ZNF740: variants seen among roughly 807,000 people sequenced by gnomAD.
ZNF740 encodes the protein oriLyt TD-element-binding protein 7.
Under a neutral mutation model 24.8 loss-of-function variants are expected in ZNF740, and 14 were observed. That is an observed-to-expected ratio of 0.56 (90% confidence interval 0.37 to 0.88). ZNF740 has a LOEUF of 0.88. Among genes scored for constraint, ZNF740 ranks in the 40% least tolerant of loss-of-function variants. ZNF740 has a pLI of 0.00. For synonymous variants in ZNF740, 69 were observed against 84.0 expected, an observed-to-expected ratio of 0.82 and a Z score of 0.98; for missense variants, 201 against 247.9, an observed-to-expected ratio of 0.81 and a Z score of 1.27.
chr12:53,192,901 C>T lies in ZNF740; in HGVS notation c.*5311C>T, dbSNP rs149573967. ...ACAGTGACATACTCCACATTGGCAG[C>T]GACCAAAGCCTGGGGTAGAGCCATG... On this transcript the variant is annotated 3_prime_UTR_variant, in exon 7 of 7. Transcript: ENST00000416904. 35 of 1,613,812 alleles carry T rather than the reference C, an allele frequency of 2.2e-5. No homozygotes were observed. The highest frequency in any genetic ancestry group is 9.3e-5 in the African/African-American group (7 of 74,922).
chr12:53,183,384 C>G (rs1021845242), intron 2 of ZNF740, among the ~76,000 whole-genome samples: 19 of 152,202 alleles, frequency 1.2e-4, no homozygotes, highest in African/African-American at 4.6e-4. Context: ...CTGGATCTTT[C>G]ACTCCAAAGT....
chr12:53,184,099 G>A (rs1057344214), intron 2 of ZNF740, among the ~76,000 whole-genome samples: 3 of 148,340 alleles, frequency 2.0e-5, no homozygotes, highest in African/African-American at 7.5e-5. Flanking sequence ...TCAAAAGTGG[G>A]CTCTGAAGCT....
intron 5 of ZNF740, 46 bp from the exon 6 acceptor site, chr12:53,186,345 A>C (rs200437281): frequency 2.4e-4 from 365 of 1,491,838 alleles, no homozygotes; most frequent in Non-Finnish European, 3.3e-4. Context: ...TGAGGTCCCT[A>C]CTGTACATAC....
chr12:53,187,791 C>T lies in ZNF740; in HGVS notation c.*201C>T, dbSNP rs980324396. The T allele has an allele frequency of 3.2e-5, 18 of 560,704 alleles. No individual in the cohort carries two copies. The highest frequency in any genetic ancestry group is 3.5e-5 in the Non-Finnish European group (11 of 311,684). The allele number at this position is 560,704 out of a possible 1,614,324, so 34.7% of individuals were successfully genotyped here. Reference sequence around the variant, plus strand: ...AAATAATCTGAGACTATGAGTATCTCGGGGAAGTTCTTACAGCATTCCTGG... The same window carrying T: ...AAATAATCTGAGACTATGAGTATCTTGGGGAAGTTCTTACAGCATTCCTGG... On this transcript the variant is annotated 3_prime_UTR_variant, in exon 7 of 7. Transcript: ENST00000416904.
In ZNF740 at chr12:53,193,680, G is replaced by A; in HGVS notation, c.*6090G>A. Reference sequence around the variant, plus strand: ...GGGTTGGTTGGTTGTTGGGAGCCAGGTGGTTGAAGGGAAGAGGAGGCCCTC... The same window carrying A: ...GGGTTGGTTGGTTGTTGGGAGCCAGATGGTTGAAGGGAAGAGGAGGCCCTC... On this transcript the variant is annotated 3_prime_UTR_variant, in exon 7 of 7. Transcript: ENST00000416904. The A allele has an allele frequency of 6.3e-7, 1 of 1,577,228 alleles. No individual in the cohort carries two copies. The highest frequency in any genetic ancestry group is 8.6e-7 in the Non-Finnish European group (1 of 1,158,604).
rs984138360 is a variant in ZNF740, at chr12:53,181,798, C to T, written c.-186C>T. Reference sequence around the variant, plus strand: ...GCAGAGTCCAGGGATTCTTGGAACACCTATCTTTTCTTCGGAGGACACTAA... The same window carrying T: ...GCAGAGTCCAGGGATTCTTGGAACATCTATCTTTTCTTCGGAGGACACTAA... On this transcript the variant is annotated 5_prime_UTR_variant, in exon 2 of 7. Coordinates refer to ENST00000416904, the MANE Select transcript of ZNF740 (RefSeq NM_001004304.4). 17 of 722,586 alleles carry T rather than the reference C, an allele frequency of 2.4e-5. No homozygotes were observed. The highest frequency in any genetic ancestry group is 3.6e-5 in the Non-Finnish European group (16 of 444,614). The allele number at this position is 722,586 out of a possible 1,614,324, so 44.8% of individuals were successfully genotyped here. A position where few individuals can be genotyped will look rare whatever the true frequency, so the allele number is the denominator to read the frequency against.
Position 53,191,856 on chromosome 12 carries a change from C to T in ZNF740, c.*4266C>T. ...AAGGGGCCTAACCAGGAAGTCTCCT[C>T]ACCTGCTTCCAGTTGAGTTGTTGCT... On this transcript the variant is annotated 3_prime_UTR_variant, in exon 7 of 7. Transcript: ENST00000416904. 1 of 1,613,410 alleles carries T rather than the reference C, an allele frequency of 6.2e-7. No homozygotes were observed. Among genetic ancestry groups the T allele is most frequent in the East Asian group, 2.2e-5 (1 of 44,872 alleles).
intron 2 of ZNF740, 59 bp downstream of exon 2, chr12:53,182,051 C>T: frequency 6.3e-7 from 1 of 1,584,314 alleles, no homozygotes. Flanking sequence ...CAGTTTCACT[C>T]TTGAATGCTG....
intron 1 of ZNF740, chr12:53,181,292 G>C: frequency 1.0e-6 from 1 of 985,422 alleles, no homozygotes; most frequent in Non-Finnish European, 1.2e-6. Context: ...CGCCACCGAA[G>C]CACCCAGCGA....
In ZNF740 at chr12:53,190,772, T is replaced by C. The variant is rs1941918747; in HGVS notation, c.*3182T>C. 1 of 152,084 alleles carries C rather than the reference T, an allele frequency of 6.6e-6. No individual in the cohort carries two copies. The highest frequency in any genetic ancestry group is 2.4e-5 in the African/African-American group (1 of 41,400). The allele number at this position is 152,084 out of a possible 1,614,324, so 9.4% of individuals were successfully genotyped here. ...AAATGGTAGTTTTTATAAGATGTTA[T>C]AAACTTGTATCTTTTTACCATTAAA... is the stretch of plus-strand genomic sequence containing the variant. On this transcript the variant is annotated 3_prime_UTR_variant, in exon 7 of 7. Transcript: ENST00000416904.
chr12:53,182,298 C>T (rs546380399), intron 2 of ZNF740: 9 of 317,450 alleles, frequency 2.8e-5, no homozygotes, highest in East Asian at 1.7e-4. Flanking sequence ...GTGAATAGTA[C>T]GGTGAATGCT....
Position 53,193,154 on chromosome 12 carries a change from C to T in ZNF740, c.*5564C>T, listed in dbSNP as rs755276411. On this transcript the variant is annotated 3_prime_UTR_variant, in exon 7 of 7. Transcript: ENST00000416904. ...GCTCCAGGTACCTCCGCAGAGGATGCCCTCATGTCGCTCACAGCTGGCATC... is the reference window on the plus strand; with the variant it reads ...GCTCCAGGTACCTCCGCAGAGGATGTCCTCATGTCGCTCACAGCTGGCATC... 2.5e-6 allele frequency: 4 copies of T among 1,610,988 alleles called. No homozygotes were observed. Among genetic ancestry groups the T allele is most frequent in the Non-Finnish European group, 2.5e-6 (3 of 1,177,760 alleles).
At position 53,188,291 on chromosome 12, in the gene ZNF740, G is replaced by A. The variant is rs749064411; in HGVS notation, c.*701G>A. On this transcript the variant is annotated 3_prime_UTR_variant, in exon 7 of 7. Transcript: ENST00000416904. The stretch of plus-strand genomic sequence containing the variant: ...TCTTCCTTCCTCAAGGGAAAAGGAA[G>A]AGTTGTGCCAGTGGGTGTTGTCATG... 1.3e-5 allele frequency: 2 copies of A among 152,744 alleles called. No individual in the cohort carries two copies. Among genetic ancestry groups the A allele is most frequent in the Non-Finnish European group, 2.9e-5 (2 of 68,152 alleles). The allele number at this position is 152,744 out of a possible 1,614,324, so 9.5% of individuals were successfully genotyped here. A position where few individuals can be genotyped will look rare whatever the true frequency, so the allele number is the denominator to read the frequency against.
Position 53,194,568 on chromosome 12 carries a change from C to G in ZNF740, c.*6978C>G, listed in dbSNP as rs2272301. On this transcript the variant is annotated 3_prime_UTR_variant, in exon 7 of 7. Coordinates refer to ENST00000416904, the MANE Select transcript of ZNF740 (RefSeq NM_001004304.4). ...CCTCTAATACAGCATTTCAGTGCAG[C>G]TGCCAGCAAGGGCCACTGAGGGTCA... is the stretch of plus-strand genomic sequence containing the variant. The G allele has an allele frequency of 0.12, 57,343 of 481,408 alleles. 3,872 individuals carry two copies. The highest frequency in any genetic ancestry group is 0.16 in the Admixed American group (4,854 of 30,678). The allele number at this position is 481,408 out of a possible 1,614,324, so 29.8% of individuals were successfully genotyped here.
Position 53,181,801 on chromosome 12 carries a change from A to G in ZNF740, c.-183A>G, listed in dbSNP as rs1023945792. The G allele has an allele frequency of 6.7e-6, 5 of 741,898 alleles. No homozygotes were observed. In the Admixed American group the frequency reaches 8.9e-5, roughly 13 times the overall value. The allele number at this position is 741,898 out of a possible 1,614,324, so 46.0% of individuals were successfully genotyped here. On this transcript the variant is annotated 5_prime_UTR_variant, in exon 2 of 7. Transcript: ENST00000416904. ...GAGTCCAGGGATTCTTGGAACACCT[A>G]TCTTTTCTTCGGAGGACACTAAGTT...
At chr12:53,186,612 C>T (rs1471647519) in intron 6 of ZNF740, 103 bp downstream of exon 6, 7 of 887,486 alleles carry the variant, frequency 7.9e-6, no homozygotes, top group Non-Finnish European at 1.1e-5. Context: ...CAGCGTTACT[C>T]GCCATAATAG....
rs138315663 is a variant in ZNF740, at chr12:53,191,617, T to C, written c.*4027T>C. 41 of 1,613,486 alleles carry C rather than the reference T, an allele frequency of 2.5e-5. No individual in the cohort carries two copies. The highest frequency in any genetic ancestry group is 3.1e-5 in the Non-Finnish European group (36 of 1,179,596). ...ATTGATGGTGGTCGTGATGGCACTT[T>C]TGTAGAGAGGATTACTGTCCTGGAG... is the stretch of plus-strand genomic sequence containing the variant. On this transcript the variant is annotated 3_prime_UTR_variant, in exon 7 of 7. Transcript: ENST00000416904.
At chr12:53,182,790 G>T (rs1941709743) in intron 2 of ZNF740, among the ~76,000 whole-genome samples, 2 of 152,146 alleles carry the variant, frequency 1.3e-5, no homozygotes, top group South Asian at 4.1e-4. Flanking sequence ...TGAGGAAGTT[G>T]TTCCCTGCAG....
chr12:53,183,790 G>A (rs1200599432), intron 2 of ZNF740, among the ~76,000 whole-genome samples: 1 of 152,242 alleles, frequency 6.6e-6, no homozygotes, highest in South Asian at 2.1e-4. Flanking sequence ...TTAGGAGACT[G>A]AGGCTGGAGG....
Sources: allele counts gnomAD v4.1 joint callset (sites outside exome capture counted in the v4.1 genomes callset), GRCh38; gene constraint gnomAD v4.1.1; transcripts MANE v1.5; gene names NCBI Gene and HGNC (gene_info 2026-07-23, HGNC 2026-07-21).